PRUNE2: variants seen among roughly 807,000 people sequenced by gnomAD.
PRUNE2 encodes the protein prune homolog 2 with BCH domain.
Under a neutral mutation model 252.0 loss-of-function variants are expected in PRUNE2, and 164 were observed. That is an observed-to-expected ratio of 0.65 (90% CI 0.57 to 0.74). PRUNE2 has a LOEUF of 0.74. PRUNE2 is among the 30% of genes least tolerant of loss of function. The probability of loss-of-function intolerance (pLI) is 0.00; values close to 1 mark genes in which losing one functional copy is unlikely to be tolerated. For missense variants in PRUNE2, 3,495 were observed against 3,711.0 expected (o/e 0.94, Z 1.51); for synonymous variants, 1,292 against 1,350.2 (o/e 0.96, Z 0.94).
intron 6 of PRUNE2, among the ~76,000 whole-genome samples, chr9:76,812,874 T>C (rs1328270141): frequency 2.0e-5 from 3 of 152,202 alleles, no homozygotes; most frequent in Non-Finnish European, 4.4e-5. Context: ...TTCAGGCAAT[T>C]TGCAAACCCG....
chr9:76,712,629 T>A (rs753402333), intron 7 of PRUNE2, among the ~76,000 whole-genome samples: 59 of 152,336 alleles, frequency 3.9e-4, no homozygotes, highest in Non-Finnish European at 7.6e-4. Context: ...AAAAGTGATG[T>A]GAAAGCCGCC....
intron 1 of PRUNE2, among the ~76,000 whole-genome samples, chr9:76,865,579 A>G (rs1489661613): frequency 3.3e-5 from 5 of 152,184 alleles, no homozygotes. Flanking sequence ...GCTCCAATCA[A>G]TTTTTGTCAG....
At chr9:76,742,190 T>C (rs772699452) in intron 6 of PRUNE2, among the ~76,000 whole-genome samples, 3 of 152,166 alleles carry the variant, frequency 2.0e-5, no homozygotes, top group African/African-American at 4.8e-5. Context: ...AAGAAATTAA[T>C]ACATTTTTAA....
At position 76,703,915 on chromosome 9, in the gene PRUNE2, A is replaced by G; in HGVS notation, c.7698T>C (p.Cys2566=). ...EENSHSKPET[C]EERESIAELE... is the part of the protein sequence containing the mutation. ...ATTCAGCTATGCTTTCTCTTTCTTC[A>G]CAGGTCTCTGGCTTTGAGTGTGAAT... The change falls in exon 9 of 19, where the codon TGT becomes TGC. Residue 2566 remains cysteine (C), a synonymous_variant. Coordinates refer to ENST00000376718, the MANE Select transcript of PRUNE2 (RefSeq NM_015225.3). The G allele has an allele frequency of 6.2e-7, 1 of 1,613,674 alleles. No homozygotes were observed. The highest frequency in any genetic ancestry group is 1.7e-5 in the Admixed American group (1 of 59,986).
At chr9:76,844,581 T>G (rs906460442) in intron 4 of PRUNE2, among the ~76,000 whole-genome samples, 1 of 152,188 alleles carries the variant, frequency 6.6e-6, no homozygotes, top group Non-Finnish European at 1.5e-5. Flanking sequence ...GCCAAAGCTA[T>G]TTAGAGAGTG....
chr9:76,684,903 C>T (rs567786561), intron 9 of PRUNE2, among the ~76,000 whole-genome samples: 13 of 152,272 alleles, frequency 8.5e-5, no homozygotes, highest in African/African-American at 3.1e-4. Context: ...AGGAGTGCAC[C>T]ACCATGCCTG....
chr9:76,868,960 T>C (rs2061018703), intron 1 of PRUNE2: 1 of 152,108 alleles, frequency 6.6e-6, no homozygotes, highest in South Asian at 2.1e-4. Context: ...TGTAGCCTGC[T>C]GCTGTGCGGC....
chr9:76,774,453 T>TTTTAATTTATTTATTTATTTA (rs2053487865), intron 6 of PRUNE2, among the ~76,000 whole-genome samples: 1 of 122,224 alleles, frequency 8.2e-6, no homozygotes, highest in Non-Finnish European at 1.8e-5. Context: ...TTCAACCCTT[T>TTTTAATTTATTTATTTATTTA]TTTTTTTTTT....
At chr9:76,858,552 G>A (rs1041628895) in intron 1 of PRUNE2, among the ~76,000 whole-genome samples, 6 of 152,070 alleles carry the variant, frequency 3.9e-5, no homozygotes, top group African/African-American at 1.4e-4. Flanking sequence ...AGTGGGAGTT[G>A]AGCAATGAGA....
intron 6 of PRUNE2, chr9:76,739,367 A>G (rs2135534942): frequency 6.6e-6 from 1 of 152,274 alleles, no homozygotes; most frequent in East Asian, 1.9e-4. Context: ...CCATGCCTAT[A>G]AACACAGGAA....
chr9:76,641,825 A>T, intron 12 of PRUNE2: 1 of 973,746 alleles, frequency 1.0e-6, no homozygotes, highest in South Asian at 1.9e-5. Flanking sequence ...GGGATGTAAC[A>T]CAAGTTTGCT....
chr9:76,640,732 G>T (rs1426860032), intron 12 of PRUNE2, among the ~76,000 whole-genome samples: 1 of 152,140 alleles, frequency 6.6e-6, no homozygotes, highest in Non-Finnish European at 1.5e-5. Flanking sequence ...ATCCACAAAG[G>T]ATATGGTGGC....
chr9:76,716,974 T>C (rs894062859), intron 6 of PRUNE2, among the ~76,000 whole-genome samples: 13 of 152,314 alleles, frequency 8.5e-5, no homozygotes, highest in African/African-American at 2.9e-4. Flanking sequence ...TCCATGTCCC[T>C]GCAAAGGACA....
chr9:76,881,827 C>T (rs1046831645), intron 1 of PRUNE2, among the ~76,000 whole-genome samples: 4 of 151,542 alleles, frequency 2.6e-5, no homozygotes, highest in Admixed American at 6.6e-5. Flanking sequence ...TTCACTACAT[C>T]GGCCAGGCTG....
At chr9:76,883,051 C>T (rs2061883569) in intron 1 of PRUNE2, among the ~76,000 whole-genome samples, 1 of 152,110 alleles carries the variant, frequency 6.6e-6, no homozygotes, top group Non-Finnish European at 1.5e-5. Flanking sequence ...GTTGCCTTTC[C>T]AAGCTTTTGT....
Position 76,820,303 on chromosome 9 carries a change from T to C in PRUNE2, c.756+3329A>G, listed in dbSNP as rs530806779. Among the ~76,000 whole-genome samples, 6 of 152,334 alleles carry C rather than the reference T, an allele frequency of 3.9e-5. No individual in the cohort carries two copies. The South Asian group carries it at 1.2e-3, about 32-fold the overall frequency. On this transcript the variant is annotated intron_variant, in intron 6 of 18. Coordinates refer to ENST00000376718, the MANE Select transcript of PRUNE2 (RefSeq NM_015225.3). ...TTTTTATGTATTTCATTCAGTAACT[T>C]ATATAACAATGAATATTTGTGAGAT...
intron 1 of PRUNE2, among the ~76,000 whole-genome samples, chr9:76,880,350 G>T (rs958224256): frequency 1.3e-5 from 2 of 152,174 alleles, no homozygotes; most frequent in African/African-American, 2.4e-5. Flanking sequence ...CTTTGAGAAG[G>T]TCTGTGAAGT....
At chr9:76,881,704 C>A (rs2061796839) in intron 1 of PRUNE2, among the ~76,000 whole-genome samples, 1 of 151,988 alleles carries the variant, frequency 6.6e-6, no homozygotes, top group Non-Finnish European at 1.5e-5. Flanking sequence ...TCACTGCAAC[C>A]TCCACCTCCC....
At chr9:76,821,243 A>G (rs1182629842) in intron 6 of PRUNE2, among the ~76,000 whole-genome samples, 1 of 152,230 alleles carries the variant, frequency 6.6e-6, no homozygotes, top group Non-Finnish European at 1.5e-5. Context: ...AGTCATAGGA[A>G]CTAAGAAGGT....
Sources: allele counts gnomAD v4.1 joint callset (sites outside exome capture counted in the v4.1 genomes callset), GRCh38; gene constraint gnomAD v4.1.1; transcripts MANE v1.5; gene names NCBI Gene and HGNC (gene_info 2026-07-23, HGNC 2026-07-21).